POU6F2: variants seen among roughly 807,000 people sequenced by gnomAD.
POU6F2 encodes POU domain, class 6, transcription factor 2.
Under a neutral mutation model 71.3 loss-of-function variants are expected in POU6F2, and 31 were observed. The observed-to-expected ratio is 0.43, with a 90% CI of 0.33 to 0.59. The LOEUF is 0.59. Ranked by LOEUF, POU6F2 falls within the 20% of genes least tolerant of loss-of-function variation. The probability of loss-of-function intolerance (pLI) is 0.04; values close to 1 mark genes in which losing one functional copy is unlikely to be tolerated. For missense variants in POU6F2, 783 were observed against 856.8 expected (o/e 0.91, Z 1.07); for synonymous variants, 347 against 355.7 (o/e 0.98, Z 0.27).
intron 1 of POU6F2, among the ~76,000 whole-genome samples, chr7:39,072,645 A>T (rs1790907632): frequency 6.6e-6 from 1 of 152,166 alleles, no homozygotes; most frequent in African/African-American, 2.4e-5. Flanking sequence ...AGCAACTCAG[A>T]TGCTTCATCT....
chr7:39,453,567 T>G (rs1167391662), intron 8 of POU6F2, among the ~76,000 whole-genome samples: 3 of 152,228 alleles, frequency 2.0e-5, no homozygotes, highest in Non-Finnish European at 4.4e-5. Flanking sequence ...ATGTGTAAGA[T>G]GGACAGAAAG....
At chr7:39,275,655 T>C (rs1455146204) in intron 4 of POU6F2, among the ~76,000 whole-genome samples, 2 of 152,154 alleles carry the variant, frequency 1.3e-5, no homozygotes, top group Admixed American at 1.3e-4. Flanking sequence ...CAAACTATAC[T>C]ACAAGGCTAC....
intron 4 of POU6F2, among the ~76,000 whole-genome samples, chr7:39,227,712 G>A (rs1194216255): frequency 1.3e-5 from 2 of 151,966 alleles, no homozygotes; most frequent in Admixed American, 6.6e-5. Flanking sequence ...CCGCCACCAC[G>A]CTTGGCTAAT....
At chr7:38,986,470 G>A (rs1375338230) in intron 1 of POU6F2, among the ~76,000 whole-genome samples, 2 of 152,186 alleles carry the variant, frequency 1.3e-5, no homozygotes, top group East Asian at 3.9e-4. Context: ...ATTTGTACTA[G>A]TGCTGAAACC....
chr7:38,999,877 A>T (rs1788850736), intron 1 of POU6F2, among the ~76,000 whole-genome samples: 1 of 152,176 alleles, frequency 6.6e-6, no homozygotes, highest in South Asian at 2.1e-4. Context: ...TGGTTATGAG[A>T]TGTTCCTAGG....
At chr7:39,111,975 T>C (rs1455750654) in intron 2 of POU6F2, among the ~76,000 whole-genome samples, 1 of 152,136 alleles carries the variant, frequency 6.6e-6, no homozygotes, top group Non-Finnish European at 1.5e-5. Context: ...AATTATAAAA[T>C]AGCTAAAATC....
intron 2 of POU6F2, among the ~76,000 whole-genome samples, chr7:39,099,757 G>A (rs1419127041): frequency 2.0e-5 from 3 of 152,190 alleles, no homozygotes; most frequent in Non-Finnish European, 4.4e-5. Context: ...TAAGATGCCT[G>A]CACATGGTGG....
At chr7:39,111,603 G>C (rs931399720) in intron 2 of POU6F2, among the ~76,000 whole-genome samples, 2 of 151,850 alleles carry the variant, frequency 1.3e-5, no homozygotes, top group African/African-American at 4.8e-5. Context: ...AAATACATTA[G>C]ATATAGGTAC....
At chr7:39,391,010 C>T (rs1304178422) in intron 5 of POU6F2, among the ~76,000 whole-genome samples, 1 of 152,188 alleles carries the variant, frequency 6.6e-6, no homozygotes, top group Admixed American at 6.5e-5. Flanking sequence ...TCCCACAAAA[C>T]ACACCTTGAG....
At chr7:39,073,224 G>T (rs1188516342) in intron 1 of POU6F2, among the ~76,000 whole-genome samples, 8 of 152,006 alleles carry the variant, frequency 5.3e-5, no homozygotes, top group Non-Finnish European at 1.2e-4. Flanking sequence ...ATAAAGGCTG[G>T]CCTGGTTTTT....
chr7:39,364,262 T>C (rs1278775510), intron 5 of POU6F2, among the ~76,000 whole-genome samples: 7 of 95,298 alleles, frequency 7.3e-5, no homozygotes, highest in Admixed American at 1.9e-4. Context: ...TCTATTCTCT[T>C]TTTTTTTTTT....
In POU6F2 at chr7:39,464,261, C is replaced by G; in HGVS notation, c.1738C>G (p.Leu580Val). 6.2e-7 allele frequency: 1 copy of G among 1,614,032 alleles called. No individual in the cohort carries two copies. Among genetic ancestry groups the G allele is most frequent in the Non-Finnish European group, 8.5e-7 (1 of 1,179,902 alleles). ...NTIASSLTAK[L>V]NPGLLYPARF... ...TATAGCTAGCAGTCTGACAGCCAAACTGAACCCTGGCCTTTTGTATCCTGC... is the reference window on the plus strand; with the variant it reads ...TATAGCTAGCAGTCTGACAGCCAAAGTGAACCCTGGCCTTTTGTATCCTGC... Residue 580 changes from leucine (L) to valine (V), a missense_variant, in exon 10 of 10, where the codon CTG (leucine) becomes GTG (valine). By Grantham distance (32) the Leu-to-Val change is conservative (BLOSUM62 1). Coordinates refer to ENST00000518318, the MANE Select transcript of POU6F2 (RefSeq NM_001370959.1). The surrounding 1 kb of genome is among the most constrained non-coding windows in gnomAD (Gnocchi z 4.1).
chr7:39,017,970 C>A (rs1789599775), intron 1 of POU6F2, among the ~76,000 whole-genome samples: 1 of 152,022 alleles, frequency 6.6e-6, no homozygotes, highest in Non-Finnish European at 1.5e-5. Context: ...TACCTCATTT[C>A]TTTTTCCGGC....
In POU6F2 at chr7:39,412,778, C is replaced by CTT. The variant is rs1166811956; in HGVS notation, c.1113+6078_1113+6079dup. Among the ~76,000 whole-genome samples the CTT allele has an allele frequency of 1.6e-3, 37 of 23,192 alleles. 16 individuals carry two copies. Among genetic ancestry groups the CTT allele is most frequent in the Non-Finnish European group, 3.4e-3 (32 of 9,476 alleles). The allele number at this position is 23,192 out of a possible 152,430, so 15.2% of individuals were successfully genotyped here. On this transcript the variant is annotated intron_variant, in intron 6 of 9. Transcript: ENST00000518318. ...TCCGTATTAGCTTCAGTTTTCTTGC[C>CTT]TTTTTTTTTTTTTTTTTTTTTTTTT...
At chr7:39,237,039 CAG>C (rs1491240714) in intron 4 of POU6F2, among the ~76,000 whole-genome samples, 1 of 152,146 alleles carries the variant, frequency 6.6e-6, no homozygotes, top group Non-Finnish European at 1.5e-5. Flanking sequence ...AGCAGTGTCT[CAG>C]GGGCCGTCTG....
Position 39,004,411 on chromosome 7 carries a change from C to G in POU6F2, c.105+26353C>G, listed in dbSNP as rs1354703733. ...GATTGATAGACAATAGAAGATTTTC[C>G]TGTTTCCTTGCATTCTGGACATTTT... On this transcript the variant is annotated intron_variant, in intron 1 of 9. Transcript: ENST00000518318. Among the ~76,000 whole-genome samples the G allele has an allele frequency of 7.9e-5, 12 of 152,306 alleles. No homozygotes were observed. In the East Asian group the frequency reaches 2.3e-3, roughly 29 times the overall value.
At chr7:39,334,878 G>C (rs1785733919) in intron 4 of POU6F2, among the ~76,000 whole-genome samples, 1 of 152,186 alleles carries the variant, frequency 6.6e-6, no homozygotes, top group South Asian at 2.1e-4. Context: ...GGGAACACAG[G>C]TTTTTCCATG....
chr7:39,194,360 G>A (rs1324466602), intron 2 of POU6F2, among the ~76,000 whole-genome samples: 2 of 152,236 alleles, frequency 1.3e-5, no homozygotes, highest in African/African-American at 4.8e-5. Flanking sequence ...CATTAAAAAT[G>A]TCTTGTTTGA....
chr7:39,464,918 G>A lies in POU6F2; in HGVS notation c.*232G>A, dbSNP rs1789034175. The A allele has an allele frequency of 7.0e-6, 4 of 573,364 alleles. No individual in the cohort carries two copies. The highest frequency in any genetic ancestry group is 8.9e-6 in the Non-Finnish European group (3 of 336,048). The allele number at this position is 573,364 out of a possible 1,614,324, so 35.5% of individuals were successfully genotyped here. A position where few individuals can be genotyped will look rare whatever the true frequency, so the allele number is the denominator to read the frequency against. ...AATTTTTAGAAAATTTTTAAACAAG[G>A]AATACACCACACTGAAGGTGTGTGT... On this transcript the variant is annotated 3_prime_UTR_variant, in exon 10 of 10. Transcript: ENST00000518318. The surrounding 1 kb of genome is among the most constrained non-coding windows in gnomAD (Gnocchi z 4.1).
Sources: allele counts gnomAD v4.1 joint callset (sites outside exome capture counted in the v4.1 genomes callset), GRCh38; gene constraint gnomAD v4.1.1; non-coding constraint Gnocchi (gnomAD v3.1); transcripts MANE v1.5; gene names NCBI Gene and HGNC (gene_info 2026-07-23, HGNC 2026-07-21).